SGCD: variants seen among roughly 807,000 people sequenced by gnomAD.
SGCD encodes the protein delta-sarcoglycan.
In SGCD, 18 loss-of-function variants were observed where a neutral mutation model predicts 36.6. The ratio of observed to expected loss-of-function variants is 0.49; its 90% confidence interval spans 0.34 to 0.73. The LOEUF is 0.73. Among genes scored for constraint, SGCD ranks in the 30% least tolerant of loss-of-function variants. The pLI is 0.01. For synonymous variants in SGCD, 133 were observed against 130.6 expected, an observed-to-expected ratio of 1.02 and a Z score of -0.12; for missense variants, 387 against 346.7, an observed-to-expected ratio of 1.12 and a Z score of -0.92.
chr5:155,737,463 G>A, the SGCD span, among the ~76,000 whole-genome samples: 2 of 152,202 alleles, frequency 1.3e-5, no homozygotes, highest in South Asian at 4.1e-4. Context: ...AGTATAGTCT[G>A]ATACTTTCCA....
chr5:155,905,539 T>A (rs1205323321), intron 1 of SGCD, among the ~76,000 whole-genome samples: 2 of 152,130 alleles, frequency 1.3e-5, no homozygotes, highest in Admixed American at 6.6e-5. Flanking sequence ...CACGTGCCAA[T>A]GAAGTCTGAC....
chr5:156,570,618 A>G (rs912055814), intron 4 of SGCD, among the ~76,000 whole-genome samples: 3 of 152,130 alleles, frequency 2.0e-5, no homozygotes, highest in Admixed American at 6.5e-5. Flanking sequence ...TCTAATACTA[A>G]TTTTGATACC....
chr5:156,190,689 GTATAT>G (rs1286426532), intron 3 of SGCD, among the ~76,000 whole-genome samples: 1 of 152,058 alleles, frequency 6.6e-6, no homozygotes, highest in Admixed American at 6.6e-5. Flanking sequence ...TAAGTAAGTT[GTATAT>G]TATATTAGAG....
intron 7 of SGCD, among the ~76,000 whole-genome samples, chr5:156,703,315 T>C (rs1754601510): frequency 1.3e-5 from 2 of 152,052 alleles, no homozygotes; most frequent in African/African-American, 4.8e-5. Flanking sequence ...TTAGAATCTA[T>C]AGTGGGTGCT....
intron 4 of SGCD, among the ~76,000 whole-genome samples, chr5:156,548,440 T>C (rs1758666427): frequency 6.6e-6 from 1 of 152,164 alleles, no homozygotes; most frequent in African/African-American, 2.4e-5. Flanking sequence ...ATTGAAAACA[T>C]CCAAAAGGAA....
At chr5:155,935,692 C>G (rs1299287968) in intron 1 of SGCD, among the ~76,000 whole-genome samples, 1 of 152,138 alleles carries the variant, frequency 6.6e-6, no homozygotes, top group Non-Finnish European at 1.5e-5. Context: ...TAATCACTTG[C>G]CTAAGGTTGT....
chr5:156,326,603 A>G (rs1340674528), upstream of SGCD: 1 of 152,240 alleles, frequency 6.6e-6, no homozygotes. Context: ...AAGATTTAGG[A>G]AGCGGCAGGT....
At chr5:156,150,162 A>C (rs1157165979) in intron 3 of SGCD, among the ~76,000 whole-genome samples, 1 of 151,474 alleles carries the variant, frequency 6.6e-6, no homozygotes. Context: ...ACCCACCACC[A>C]CTCTCTCAGT....
At chr5:156,243,603 C>T (rs760354893) in intron 3 of SGCD, among the ~76,000 whole-genome samples, 17 of 152,172 alleles carry the variant, frequency 1.1e-4, no homozygotes, top group African/African-American at 3.4e-4. Context: ...TGAGATAGCA[C>T]GGAAACAGTG....
the SGCD span, among the ~76,000 whole-genome samples, chr5:155,844,786 C>T: frequency 6.6e-6 from 1 of 152,114 alleles, no homozygotes. Context: ...GTATATGAAG[C>T]GGTATAGCAC....
At chr5:155,892,459 G>GAA (rs70981989) in intron 1 of SGCD, among the ~76,000 whole-genome samples, 3,984 of 92,540 alleles carry the variant, frequency 0.043, no homozygotes, top group Non-Finnish European at 0.057. Context: ...ATCTGAAAAA[G>GAA]AAAAAAAAAA....
In SGCD at chr5:156,312,056, G is replaced by C. The variant is rs139209283; in HGVS notation, c.-43-17478G>C. Among the ~76,000 whole-genome samples the C allele has an allele frequency of 4.9e-3, 750 of 152,250 alleles. 2 individuals carry two copies. Among genetic ancestry groups the C allele is most frequent in the African/African-American group, 0.016 (658 of 41,540 alleles). On this transcript the variant is annotated intron_variant, in intron 3 of 9. Coordinates refer to the SGCD transcript ENST00000517913. ...CAGATCTTCTGACCCCTATTCCAGG[G>C]CTGTTTCTGAGATACCCAGTATCAC...
intron 3 of SGCD, among the ~76,000 whole-genome samples, chr5:156,466,213 C>G (rs949471400): frequency 6.6e-6 from 1 of 152,194 alleles, no homozygotes; most frequent in East Asian, 1.9e-4. Context: ...GTTTCCTTAA[C>G]TGGCGAACTA....
At chr5:156,539,809 C>A (rs2113143001) in intron 4 of SGCD, among the ~76,000 whole-genome samples, 1 of 152,106 alleles carries the variant, frequency 6.6e-6, no homozygotes, top group East Asian at 1.9e-4. Flanking sequence ...TTTTATCAAT[C>A]CTGATAGGTT....
intron 6 of SGCD, among the ~76,000 whole-genome samples, chr5:156,611,152 C>G (rs1449539085): frequency 6.6e-6 from 1 of 152,224 alleles, no homozygotes; most frequent in Non-Finnish European, 1.5e-5. Flanking sequence ...GAGCTGTAGA[C>G]TGGAGCTGTT....
chr5:155,837,139 T>A, the SGCD span, among the ~76,000 whole-genome samples: 1 of 152,158 alleles, frequency 6.6e-6, no homozygotes, highest in Non-Finnish European at 1.5e-5. Flanking sequence ...CTAGGATTTT[T>A]AATTTTTAAA....
At chr5:156,752,128 A>T (rs1032268061) in intron 7 of SGCD, among the ~76,000 whole-genome samples, 1 of 152,228 alleles carries the variant, frequency 6.6e-6, no homozygotes, top group African/African-American at 2.4e-5. Context: ...AACCTCAGAA[A>T]CATCATATTG....
rs34093451 is a variant in SGCD at position 155,890,638 on chromosome 5, TGATA to T, written c.-282+20253_-282+20256del. On this transcript the variant is annotated intron_variant, in intron 1 of 9. Coordinates refer to the SGCD transcript ENST00000517913. ...ATAGGTAGGTAAGTAGATAGACAGA[TGATA>T]GATAGATAGATAGATAGATAGATAG... Among the ~76,000 whole-genome samples the T allele has an allele frequency of 4.6e-3, 663 of 143,536 alleles. 2 individuals carry two copies. The highest frequency in any genetic ancestry group is 9.2e-3 in the Admixed American group (132 of 14,410). The allele number at this position is 143,536 out of a possible 152,430, so 94.2% of individuals were successfully genotyped here.
intron 6 of SGCD, among the ~76,000 whole-genome samples, chr5:156,639,760 C>A (rs879541078): frequency 6.6e-6 from 1 of 152,036 alleles, no homozygotes; most frequent in Non-Finnish European, 1.5e-5. Flanking sequence ...CTGTTCCCTC[C>A]TTCTTGAAAT....
Sources: allele counts gnomAD v4.1 joint callset (sites outside exome capture counted in the v4.1 genomes callset), GRCh38; gene constraint gnomAD v4.1.1; transcripts MANE v1.5; gene names NCBI Gene and HGNC (gene_info 2026-07-23, HGNC 2026-07-21).